The following WSCD1 variants were observed in gnomAD, a reference collection of about 807,000 sequenced individuals.
The protein encoded by WSCD1 is WSC domain sialate O sulfotransferase 1, also known as sialate:O-sulfotransferase 1.
Under a neutral mutation model 60.4 loss-of-function variants are expected in WSCD1, and 41 were observed. The ratio of observed to expected loss-of-function variants is 0.68; its 90% CI spans 0.53 to 0.88. WSCD1 has a LOEUF of 0.88. Among genes scored for constraint, WSCD1 ranks in the 40% least tolerant of loss-of-function variants. The pLI is 0.00. For synonymous variants in WSCD1, 361 were observed against 332.5 expected, an observed-to-expected ratio of 1.09 and a Z score of -0.93; for missense variants, 784 against 796.2, an observed-to-expected ratio of 0.98 and a Z score of 0.18.
intron 5 of WSCD1, among the ~76,000 whole-genome samples, chr17:6,108,846 C>T (rs775416895): frequency 1.5e-4 from 23 of 152,230 alleles, no homozygotes; most frequent in Non-Finnish European, 2.9e-4. Flanking sequence ...TGGGCTGGCC[C>T]ACAGAGTGAG....
intron 2 of WSCD1, among the ~76,000 whole-genome samples, chr17:6,086,388 T>A (rs1316387858): frequency 6.6e-6 from 1 of 151,396 alleles, no homozygotes; most frequent in Non-Finnish European, 1.5e-5. Context: ...CAGGCTGGAG[T>A]GCAGTGGCAT....
rs1908763724 is a variant in WSCD1 at position 6,075,078 on chromosome 17, G to A, written c.-289+4426G>A. On this transcript the variant is annotated intron_variant, in intron 1 of 8. Transcript: ENST00000317744. This position sits in a 1 kb window ranked among gnomAD's most constrained non-coding sequence, Gnocchi z 4.1. ...CCAGTCACTGAGGCTGAGGCTTCGA[G>A]CTTCTAGGACCCAGATGCCCATCAC... Among the ~76,000 whole-genome samples, 1 of 152,146 alleles carries A rather than the reference G, an allele frequency of 6.6e-6. No individual in the cohort carries two copies. Among genetic ancestry groups the A allele is most frequent in the Non-Finnish European group, 1.5e-5 (1 of 68,016 alleles).
chr17:6,087,059 C>T (rs1404439019), intron 2 of WSCD1, among the ~76,000 whole-genome samples: 3 of 152,192 alleles, frequency 2.0e-5, no homozygotes, highest in Non-Finnish European at 4.4e-5. Context: ...CAGATCTCGG[C>T]GCAGCTATTG....
Position 6,118,120 on chromosome 17 carries a change from T to A in WSCD1, c.1307T>A (p.Val436Glu), listed in dbSNP as rs764600936. ...LLIRNPYRSLVAEFNRKCAGH... is the reference protein window; with the variant it reads ...LLIRNPYRSLEAEFNRKCAGH... ...ATCCGGAACCCATACAGGTCCCTGG[T>A]GGCAGAATTCAACAGAAAATGTGCC... Residue 436 changes from valine (V) to glutamate (E), a missense_variant, in exon 8 of 9, where the codon GTG becomes GAG. By Grantham distance (121) the Val-to-Glu change is moderately radical. Coordinates refer to ENST00000317744, the MANE Select transcript of WSCD1 (RefSeq NM_015253.2). The surrounding 1 kb of genome is among the most constrained non-coding windows in gnomAD (Gnocchi z 5.8). 4 of 1,614,178 alleles carry A rather than the reference T, an allele frequency of 2.5e-6. No individual in the cohort carries two copies. In the South Asian group the frequency reaches 3.3e-5, roughly 13 times the overall value.
chr17:6,080,709 C>T lies in WSCD1; in HGVS notation c.51C>T (p.Phe17=), dbSNP rs548404478. ...AGAAGTTTCTCCGCCGAACACAGTT[C>T]CTGCTGTTCTTCCTCACGGCTGCCT... The part of the protein sequence containing the change: ...RLQKFLRRTQ[F]LLFFLTAAYL... The change falls in exon 2 of 9, where the codon TTC becomes TTT. Residue 17 remains phenylalanine, a synonymous_variant. Transcript: ENST00000317744. The surrounding 1 kb of genome is among the most constrained non-coding windows in gnomAD (Gnocchi z 6.6). 1.2e-5 allele frequency: 19 copies of T among 1,613,628 alleles called. No individual in the cohort carries two copies. Among genetic ancestry groups the T allele is most frequent in the Admixed American group, 1.7e-5 (1 of 60,020 alleles).
rs577638043 is a variant in WSCD1 at position 6,120,671 on chromosome 17, C to T, written c.*10C>T. On this transcript the variant is annotated 3_prime_UTR_variant, in exon 9 of 9. Coordinates refer to ENST00000317744, the MANE Select transcript of WSCD1 (RefSeq NM_015253.2). ...GTATGTGCCCAGATGATAGGCCTGG[C>T]CCACGCCGCCGCCCCCGCTGAGTGA... The T allele has an allele frequency of 2.2e-5, 35 of 1,597,540 alleles. No individual in the cohort carries two copies. The highest frequency in any genetic ancestry group is 1.9e-4 in the Admixed American group (11 of 59,154).
rs1908469696 is a variant in WSCD1, at chr17:6,070,578, G to A, written c.-363G>A. 6.7e-6 allele frequency: 1 copy of A among 149,022 alleles called. No homozygotes were observed. Among genetic ancestry groups the A allele is most frequent in the African/African-American group, 2.4e-5 (1 of 41,028 alleles). 9.2% of individuals were successfully genotyped at this position (149,022 alleles called of 1,614,324 possible). On this transcript the variant is annotated 5_prime_UTR_variant, in exon 1 of 9. Coordinates refer to ENST00000317744, the MANE Select transcript of WSCD1 (RefSeq NM_015253.2). ...CTTCTGGGCTCCGGGCACTGCGGGG[G>A]GCTGCGGGCTCGGCGCCCGGGGAAG...
chr17:6,109,853 A>C (rs1011263433), intron 6 of WSCD1, 87 bp downstream of exon 6: 6 of 1,532,070 alleles, frequency 3.9e-6, no homozygotes, highest in African/African-American at 1.4e-5. Flanking sequence ...GTCATGGCCA[A>C]GCATGCAGTT....
chr17:6,071,365 C>G (rs1453964162), intron 1 of WSCD1, among the ~76,000 whole-genome samples: 1 of 152,124 alleles, frequency 6.6e-6, no homozygotes, highest in Non-Finnish European at 1.5e-5. Flanking sequence ...TGGGATGATG[C>G]CTGCTCTGCT....
At chr17:6,090,582 A>T (rs917794556) in intron 4 of WSCD1, 77 bp downstream of exon 4, 3 of 1,544,160 alleles carry the variant, frequency 1.9e-6, no homozygotes, top group Admixed American at 4.2e-5. Context: ...ACAACCTCTC[A>T]ATGAAACTAC....
chr17:6,098,155 G>GT (rs1458917514), intron 5 of WSCD1, among the ~76,000 whole-genome samples: 1 of 112,926 alleles, frequency 8.9e-6, no homozygotes, highest in African/African-American at 3.6e-5. Flanking sequence ...GGGGGGCGGG[G>GT]TGGGGGGGGT....
At chr17:6,086,618 T>C (rs1473249453) in intron 2 of WSCD1, among the ~76,000 whole-genome samples, 2 of 152,132 alleles carry the variant, frequency 1.3e-5, no homozygotes, top group African/African-American at 4.8e-5. Flanking sequence ...CCTCCCAAAG[T>C]GCTGGCATTA....
At chr17:6,086,601 G>GC (rs971354797) in intron 2 of WSCD1, among the ~76,000 whole-genome samples, 1 of 151,906 alleles carries the variant, frequency 6.6e-6, no homozygotes, top group Non-Finnish European at 1.5e-5. Flanking sequence ...TGATCCACCC[G>GC]CCCCGGCCTC....
intron 5 of WSCD1, among the ~76,000 whole-genome samples, chr17:6,099,500 G>A (rs1041752794): frequency 6.6e-5 from 10 of 150,920 alleles, no homozygotes; most frequent in Non-Finnish European, 1.3e-4. Context: ...GGGCGACAGA[G>A]CAAGACTCTG....
intron 4 of WSCD1, among the ~76,000 whole-genome samples, chr17:6,091,824 G>C (rs899822803): frequency 6.6e-6 from 1 of 152,176 alleles, no homozygotes; most frequent in African/African-American, 2.4e-5. Context: ...CAGGAGAGCT[G>C]ACGGATTAGT....
Position 6,080,891 on chromosome 17 carries a change from G to A in WSCD1, c.233G>A (p.Ser78Asn). The A allele has an allele frequency of 6.2e-7, 1 of 1,600,818 alleles. No homozygotes were observed. The highest frequency in any genetic ancestry group is 8.5e-7 in the Non-Finnish European group (1 of 1,177,468). The change falls in exon 2 of 9, where the codon AGC becomes AAC. Residue 78 changes from serine to asparagine, a missense_variant. Transcript: ENST00000317744. This position sits in a 1 kb window ranked among gnomAD's most constrained non-coding sequence, Gnocchi z 6.6. ...DSRALHDPRV[S>N]PELLLGVDML... is the part of the protein sequence containing the mutation. Reference sequence around the variant, plus strand: ...AGAGCCCTGCACGACCCTCGAGTCAGCCCAGAGCTGCTGCTGGGTGTGGAC... The same window carrying A: ...AGAGCCCTGCACGACCCTCGAGTCAACCCAGAGCTGCTGCTGGGTGTGGAC...
At chr17:6,094,453 T>C (rs756261494) in intron 4 of WSCD1, among the ~76,000 whole-genome samples, 5 of 152,124 alleles carry the variant, frequency 3.3e-5, no homozygotes, top group Non-Finnish European at 7.3e-5. Context: ...CGGTAGGACA[T>C]TGAATTTTTC....
chr17:6,081,055 G>A lies in WSCD1; in HGVS notation c.397G>A (p.Glu133Lys), dbSNP rs761250044. ...CCAGGGACCGCCCGCCCTGGGCCCC[G>A]AGGCTGCCAGGCCCGCCATCCACAG... The part of the protein sequence containing the change: ...DSQGPPALGP[E>K]AARPAIHSRG... Residue 133 changes from glutamate to lysine, a missense_variant, in exon 2 of 9, where the codon GAG becomes AAG. Glu to Lys is a moderately conservative substitution (Grantham distance 56). Coordinates refer to ENST00000317744, the MANE Select transcript of WSCD1 (RefSeq NM_015253.2). The A allele has an allele frequency of 2.3e-5, 35 of 1,540,032 alleles. No individual in the cohort carries two copies. The East Asian group carries it at 5.4e-4, about 24-fold the overall frequency.
At chr17:6,096,610 T>C (rs1230775731) in intron 5 of WSCD1, among the ~76,000 whole-genome samples, 1 of 152,158 alleles carries the variant, frequency 6.6e-6, no homozygotes, top group Non-Finnish European at 1.5e-5. Context: ...CACGACACAA[T>C]TAAATGAGCC....
Sources: gnomAD v4.1 joint callset for allele counts (sites outside exome capture counted in the v4.1 genomes callset) on GRCh38, gnomAD v4.1.1 for gene constraint, Gnocchi (gnomAD v3.1) non-coding constraint, MANE v1.5 for transcripts, NCBI Gene and HGNC (gene_info 2026-07-23, HGNC 2026-07-21) for gene names.